ITPR1: variants seen among roughly 807,000 people sequenced by gnomAD.
The protein encoded by ITPR1 is inositol 1,4,5-trisphosphate receptor type 1, also known as inositol 1,4,5-trisphosphate-gated calcium channel ITPR1.
Under a neutral mutation model 318.4 loss-of-function variants are expected in ITPR1, and 96 were observed. The ratio of observed to expected loss-of-function variants is 0.30; its 90% CI spans 0.26 to 0.36. The LOEUF (loss-of-function observed/expected upper bound fraction) is 0.36, where lower values mean the gene tolerates loss of function less well. ITPR1 is among the 10% of genes least tolerant of loss of function. The pLI is 1.00. For synonymous variants in ITPR1, 1,312 were observed against 1,289.9 expected, an observed-to-expected ratio of 1.02 and a Z score of -0.37; for missense variants, 2,440 against 3,460.2, an observed-to-expected ratio of 0.71 and a Z score of 7.40.
In ITPR1 at chr3:4,675,196, G is replaced by A. The variant is rs187516662; in HGVS notation, c.2727G>A (p.Lys909=). 378 of 1,612,742 alleles carry A rather than the reference G, an allele frequency of 2.3e-4. No homozygotes were observed. The highest frequency in any genetic ancestry group is 3.0e-4 in the Non-Finnish European group (348 of 1,179,398). The change falls in exon 23 of 62, where the codon AAG becomes AAA. Residue 909 remains lysine (K), a synonymous_variant. Transcript: ENST00000649015. ...VHVTTIFPIS[K]MAKGEENKGN... is the part of the protein sequence containing the mutation. ...TGACAACAATCTTCCCCATTAGCAA[G>A]ATGGCGAAAGGAGAAGAGAATAAAG...
At chr3:4,720,479 A>G (rs983504010) in intron 40 of ITPR1, among the ~76,000 whole-genome samples, 1 of 152,222 alleles carries the variant, frequency 6.6e-6, no homozygotes, top group Non-Finnish European at 1.5e-5. Flanking sequence ...TGAGCAGAAC[A>G]GTAGTCCACC....
intron 43 of ITPR1, among the ~76,000 whole-genome samples, chr3:4,734,037 G>A (rs565473357): frequency 4.6e-5 from 7 of 152,326 alleles, no homozygotes; most frequent in Admixed American, 1.3e-4. Context: ...AATACTCAGT[G>A]TACGCTTAAT....
At chr3:4,498,367 A>C (rs2080764194) in intron 2 of ITPR1, among the ~76,000 whole-genome samples, 1 of 152,180 alleles carries the variant, frequency 6.6e-6, no homozygotes, top group Non-Finnish European at 1.5e-5. Flanking sequence ...CAAATGTCAG[A>C]GCAGCAAGTA....
chr3:4,780,853 A>C (rs2046784247), intron 49 of ITPR1, among the ~76,000 whole-genome samples: 1 of 152,166 alleles, frequency 6.6e-6, no homozygotes, highest in African/African-American at 2.4e-5. Context: ...GGAATCAAGA[A>C]CATGCCCCAG....
intron 55 of ITPR1, among the ~76,000 whole-genome samples, chr3:4,808,508 C>CT (rs1175856107): frequency 7.9e-5 from 12 of 152,336 alleles, no homozygotes; most frequent in Middle Eastern, 3.4e-3. Context: ...CCTCAGTTCA[C>CT]TTTTAGGAAA....
At chr3:4,709,535 T>A (rs1225145845) in intron 37 of ITPR1, among the ~76,000 whole-genome samples, 1 of 152,252 alleles carries the variant, frequency 6.6e-6, no homozygotes. Context: ...TTAGCCAACA[T>A]GCCTGTAGGC....
intron 8 of ITPR1, 149 bp downstream of exon 8, chr3:4,644,383 A>G (rs1051704311): frequency 1.6e-6 from 1 of 608,736 alleles, no homozygotes; most frequent in Non-Finnish European, 3.0e-6. Context: ...CCCAGGGTCA[A>G]GGCTGCCGTG....
At chr3:4,523,430 A>ATTT (rs5846325) in intron 4 of ITPR1, among the ~76,000 whole-genome samples, 8 of 150,786 alleles carry the variant, frequency 5.3e-5, no homozygotes, top group Admixed American at 6.6e-5. Flanking sequence ...CATGCTTATT[A>ATTT]TTTTTTTTGG....
chr3:4,634,311 T>C (rs2093111356), intron 5 of ITPR1, among the ~76,000 whole-genome samples: 1 of 152,048 alleles, frequency 6.6e-6, no homozygotes, highest in Admixed American at 6.6e-5. Context: ...CCTCCTGAGC[T>C]TAAGTGATCC....
At chr3:4,830,850 C>T (rs2050430068) in intron 60 of ITPR1, 1 of 445,194 alleles carries the variant, frequency 2.2e-6, no homozygotes, top group African/African-American at 2.0e-5. Flanking sequence ...CTTTTGCCCT[C>T]AAGCCCCCCT....
chr3:4,659,752 A>G (rs1426677864), intron 13 of ITPR1, among the ~76,000 whole-genome samples: 3 of 152,154 alleles, frequency 2.0e-5, no homozygotes, highest in Non-Finnish European at 4.4e-5. Flanking sequence ...AGTAGTATCA[A>G]CTAGTTAATA....
intron 5 of ITPR1, among the ~76,000 whole-genome samples, chr3:4,634,997 C>G (rs1192098767): frequency 6.6e-6 from 1 of 152,250 alleles, no homozygotes; most frequent in East Asian, 1.9e-4. Flanking sequence ...CCCGCCTCAG[C>G]CTTCCAAAGT....
At chr3:4,714,633 T>C (rs917834155) in intron 39 of ITPR1, among the ~76,000 whole-genome samples, 3 of 152,230 alleles carry the variant, frequency 2.0e-5, no homozygotes, top group Admixed American at 2.0e-4. Flanking sequence ...CCTGAGGTGG[T>C]GTCCACCATG....
At chr3:4,662,730 T>C (rs1315615011) in intron 15 of ITPR1, among the ~76,000 whole-genome samples, 1 of 151,912 alleles carries the variant, frequency 6.6e-6, no homozygotes, top group East Asian at 1.9e-4. Context: ...CTCAAAATAA[T>C]AATAATAATC....
intron 4 of ITPR1, among the ~76,000 whole-genome samples, chr3:4,523,301 A>G (rs1386070283): frequency 6.6e-6 from 1 of 152,232 alleles, no homozygotes; most frequent in Non-Finnish European, 1.5e-5. Flanking sequence ...ATACATGCAC[A>G]TAATTTAAAA....
At chr3:4,820,957 G>T (rs2049673862) in intron 60 of ITPR1, among the ~76,000 whole-genome samples, 1 of 152,188 alleles carries the variant, frequency 6.6e-6, no homozygotes, top group Non-Finnish European at 1.5e-5. Context: ...AAGACCACCT[G>T]TGGGCCCCAC....
intron 4 of ITPR1, among the ~76,000 whole-genome samples, chr3:4,563,468 C>T (rs1358216033): frequency 6.6e-6 from 1 of 152,122 alleles, no homozygotes; most frequent in Non-Finnish European, 1.5e-5. Flanking sequence ...GGGATCATAC[C>T]ACTGCACTCC....
chr3:4,658,130 C>T lies in ITPR1; in HGVS notation c.1003C>T (p.Pro335Ser). 2 of 1,611,542 alleles carry T rather than the reference C, an allele frequency of 1.2e-6. No homozygotes were observed. The highest frequency in any genetic ancestry group is 8.5e-7 in the Non-Finnish European group (1 of 1,178,398). Reference protein sequence around the residue: ...ECLEFQPSVDPDQDASRSRLR... With the variant: ...ECLEFQPSVDSDQDASRSRLR... ...GGTGACTTTACCTCCTCAGGTGGAC[C>T]CTGATCAGGACGCCTCTCGAAGTAG... Residue 335 changes from proline (P) to serine (S), a missense_variant, in exon 13 of 62, where the codon CCT becomes TCT. Pro to Ser is a moderately conservative substitution (Grantham distance 74). Transcript: ENST00000649015.
chr3:4,529,944 G>T (rs1420416823), intron 4 of ITPR1, among the ~76,000 whole-genome samples: 1 of 152,184 alleles, frequency 6.6e-6, no homozygotes, highest in East Asian at 1.9e-4. Flanking sequence ...CACGTAGCTA[G>T]AAGTGGCAGA....
Sources: gnomAD v4.1 joint callset for allele counts (sites outside exome capture counted in the v4.1 genomes callset) on GRCh38, gnomAD v4.1.1 for gene constraint, MANE v1.5 for transcripts, NCBI Gene and HGNC (gene_info 2026-07-23, HGNC 2026-07-21) for gene names.